The following NELL1 variants were observed in gnomAD, a reference collection of about 807,000 sequenced individuals.
NELL1 encodes the protein protein kinase C-binding protein NELL1.
A neutral mutation model predicts 107.4 loss-of-function variants in NELL1; 76 were observed. That is an observed-to-expected ratio of 0.71 (90% CI 0.59 to 0.86). The LOEUF (loss-of-function observed/expected upper bound fraction) is 0.86, where lower values mean the gene tolerates loss of function less well. NELL1 is among the 40% of genes least tolerant of loss of function. NELL1 has a pLI of 0.00. For synonymous variants in NELL1, 353 were observed against 341.2 expected (o/e 1.03, Z -0.38); for missense variants, 1,024 against 1,005.5 (o/e 1.02, Z -0.25).
intron 2 of NELL1, among the ~76,000 whole-genome samples, chr11:20,729,816 T>C (rs1855590069): frequency 6.6e-6 from 1 of 152,140 alleles, no homozygotes; most frequent in Admixed American, 6.5e-5. Flanking sequence ...TATGCTCTCT[T>C]CTGCTGTGGC....
chr11:21,263,907 A>G (rs1053015262), intron 14 of NELL1, among the ~76,000 whole-genome samples: 1 of 152,012 alleles, frequency 6.6e-6, no homozygotes, highest in African/African-American at 2.4e-5. Flanking sequence ...TAAAAAATGG[A>G]AAAAAAGCTC....
At chr11:20,723,328 A>G (rs1027494622) in intron 2 of NELL1, among the ~76,000 whole-genome samples, 1 of 152,210 alleles carries the variant, frequency 6.6e-6, no homozygotes, top group Non-Finnish European at 1.5e-5. Context: ...TAAAAAACAA[A>G]TTAGTTACTC....
chr11:20,782,801 C>T (rs1856877142), intron 2 of NELL1, among the ~76,000 whole-genome samples: 1 of 152,160 alleles, frequency 6.6e-6, no homozygotes, highest in Non-Finnish European at 1.5e-5. Flanking sequence ...CCCTTAGTGC[C>T]CCTTTCTGAT....
chr11:21,337,194 T>C (rs1850422165), intron 14 of NELL1, among the ~76,000 whole-genome samples: 1 of 152,116 alleles, frequency 6.6e-6, no homozygotes, highest in South Asian at 2.1e-4. Context: ...GCCTGGGGTG[T>C]ACTAGTCAGT....
At chr11:20,965,022 G>A (rs540868813) in intron 12 of NELL1, among the ~76,000 whole-genome samples, 5 of 152,078 alleles carry the variant, frequency 3.3e-5, no homozygotes, top group Non-Finnish European at 5.9e-5. Context: ...GTAAGCCTAC[G>A]ATATGTCTCC....
At chr11:20,943,322 G>A (rs11606473) in intron 10 of NELL1, among the ~76,000 whole-genome samples, 1,533 of 151,974 alleles carry the variant, frequency 0.01, 13 homozygotes, top group Middle Eastern at 0.041. Context: ...TATCTCGGCC[G>A]GGCATGCGGG....
chr11:21,121,476 T>C (rs776283683), intron 13 of NELL1, among the ~76,000 whole-genome samples: 7 of 152,158 alleles, frequency 4.6e-5, no homozygotes, highest in Non-Finnish European at 7.4e-5. Context: ...GAAAGCGCCC[T>C]AAAGACAAAT....
intron 2 of NELL1, among the ~76,000 whole-genome samples, chr11:20,692,900 A>T (rs1329782509): frequency 2.0e-5 from 3 of 152,176 alleles, no homozygotes; most frequent in Non-Finnish European, 4.4e-5. Flanking sequence ...AAAGTCTCCC[A>T]TTATTAATGC....
At chr11:21,477,333 CAGAG>C (rs368610675) in intron 15 of NELL1, among the ~76,000 whole-genome samples, 2 of 151,282 alleles carry the variant, frequency 1.3e-5, no homozygotes, top group African/African-American at 2.4e-5. Context: ...GAGCTTAGCA[CAGAG>C]AGAGAGAGAG....
intron 2 of NELL1, among the ~76,000 whole-genome samples, chr11:20,772,240 G>A (rs1006611428): frequency 2.5e-4 from 38 of 152,172 alleles, no homozygotes; most frequent in Admixed American, 1.3e-4. Context: ...GACTCTGGGA[G>A]GAGGAGTGTT....
chr11:20,986,441 C>T (rs1035408711), intron 12 of NELL1, among the ~76,000 whole-genome samples: 1 of 152,196 alleles, frequency 6.6e-6, no homozygotes, highest in Admixed American at 6.5e-5. Context: ...TTGACCTTTT[C>T]CTTGTGCACC....
chr11:21,360,945 G>A (rs1338069269), intron 14 of NELL1, among the ~76,000 whole-genome samples: 4 of 152,062 alleles, frequency 2.6e-5, no homozygotes, highest in African/African-American at 7.2e-5. Flanking sequence ...GGGCATTTAC[G>A]CCATTTACAT....
chr11:21,088,361 A>G (rs1233805981), intron 12 of NELL1, among the ~76,000 whole-genome samples: 1 of 152,128 alleles, frequency 6.6e-6, no homozygotes, highest in Non-Finnish European at 1.5e-5. Flanking sequence ...TATGCAAAGT[A>G]CAGTTAGAGT....
intron 15 of NELL1, among the ~76,000 whole-genome samples, chr11:21,377,727 TC>T (rs1433118830): frequency 6.6e-6 from 1 of 152,076 alleles, no homozygotes; most frequent in African/African-American, 2.4e-5. Context: ...TTGATATTGG[TC>T]TATTCAGCAT....
rs367863584 is a variant in NELL1 at position 21,055,280 on chromosome 11, T to C, written c.1301-58309T>C. On this transcript the variant is annotated intron_variant, in intron 12 of 19. Coordinates refer to ENST00000357134, the MANE Select transcript of NELL1 (RefSeq NM_006157.5). ...GCTCAGCTTATTTTCAATTTTAATT[T>C]TTCTCTCTTTTTCCTTTAAAAATTG... Among the ~76,000 whole-genome samples the C allele has an allele frequency of 3.1e-4, 47 of 152,256 alleles. No homozygotes were observed. In the East Asian group the frequency reaches 4.8e-3, roughly 16 times the overall value.
intron 4 of NELL1, among the ~76,000 whole-genome samples, chr11:20,877,575 G>T (rs1037804283): frequency 2.0e-5 from 3 of 152,190 alleles, no homozygotes; most frequent in African/African-American, 2.4e-5. Context: ...CTTTTAAGCA[G>T]ACAATACACT....
At chr11:20,966,023 C>T (rs148115911) in intron 12 of NELL1, among the ~76,000 whole-genome samples, 21 of 152,264 alleles carry the variant, frequency 1.4e-4, no homozygotes, top group African/African-American at 4.8e-4. Context: ...AATGTGTGAA[C>T]ATCATGATCT....
chr11:20,849,460 CTG>C lies in NELL1; in HGVS notation c.506+1709_506+1710del, dbSNP rs1325232755. Among the ~76,000 whole-genome samples, 5 of 152,288 alleles carry C rather than the reference CTG, an allele frequency of 3.3e-5. No individual in the cohort carries two copies. The East Asian group carries it at 9.6e-4, about 29-fold the overall frequency. Reference sequence around the variant, plus strand: ...GACCCTGCCTTCAAACTTTCATACTCTGTATGTCCTTCATGGAAACCATGACC... The same window carrying C: ...GACCCTGCCTTCAAACTTTCATACTCTATGTCCTTCATGGAAACCATGACC... On this transcript the variant is annotated intron_variant, in intron 4 of 19. Transcript: ENST00000357134.
intron 13 of NELL1, among the ~76,000 whole-genome samples, chr11:21,150,529 G>A (rs558314276): frequency 9.0e-4 from 137 of 152,294 alleles, no homozygotes; most frequent in African/African-American, 3.2e-3. Flanking sequence ...GTGGGGGTGG[G>A]TGAGCCCTGA....
Sources: allele counts gnomAD v4.1 joint callset (sites outside exome capture counted in the v4.1 genomes callset), GRCh38; gene constraint gnomAD v4.1.1; transcripts MANE v1.5; gene names NCBI Gene and HGNC (gene_info 2026-07-23, HGNC 2026-07-21).